TENM3: variants seen among roughly 807,000 people sequenced by gnomAD.
TENM3 encodes teneurin transmembrane protein 3.
A neutral mutation model predicts 255.1 loss-of-function variants in TENM3; 63 were observed. The observed-to-expected ratio is 0.25, with a 90% CI of 0.20 to 0.30. The LOEUF is 0.30. Among genes scored for constraint, TENM3 ranks in the 10% least tolerant of loss-of-function variants. The pLI, the probability that TENM3 is intolerant of heterozygous loss-of-function variation, is 1.00. For missense variants in TENM3, 2,929 were observed against 3,461.1 expected (o/e 0.85, Z 3.86); for synonymous variants, 1,306 against 1,322.3 (o/e 0.99, Z 0.27).
the TENM3 span, among the ~76,000 whole-genome samples, chr4:182,094,897 G>C: frequency 1.4e-5 from 2 of 145,456 alleles, no homozygotes; most frequent in African/African-American, 5.1e-5. Context: ...AGGAACACTA[G>C]AGCTTATAAA....
chr4:182,721,474 C>T (rs891451380), intron 13 of TENM3, among the ~76,000 whole-genome samples: 6 of 151,844 alleles, frequency 4.0e-5, no homozygotes, highest in African/African-American at 4.8e-5. Flanking sequence ...GCTACACTGA[C>T]GATAATTTAA....
At chr4:182,688,603 A>C (rs1023853328) in intron 12 of TENM3, among the ~76,000 whole-genome samples, 1 of 152,254 alleles carries the variant, frequency 6.6e-6, no homozygotes, top group Admixed American at 6.5e-5. Flanking sequence ...AAATGGACTC[A>C]CATAAAACAG....
At chr4:182,667,174 TTTTTGTTTTG>T (rs149236811) in intron 6 of TENM3, among the ~76,000 whole-genome samples, 38,485 of 149,938 alleles carry the variant, frequency 0.26, 5,201 homozygotes, top group Admixed American at 0.4. Context: ...AGTTACCATT[TTTTTGTTTTG>T]TTTTGTTTTG....
chr4:181,533,100 C>G, the TENM3 span, among the ~76,000 whole-genome samples: 3 of 152,116 alleles, frequency 2.0e-5, no homozygotes, highest in African/African-American at 7.2e-5. Flanking sequence ...AATAAAGTCT[C>G]TTTGCTCCTG....
chr4:181,475,376 G>C, the TENM3 span, among the ~76,000 whole-genome samples: 1 of 152,274 alleles, frequency 6.6e-6, no homozygotes, highest in African/African-American at 2.4e-5. Context: ...TTGAGCAATT[G>C]CTGTTGCATA....
At chr4:181,890,707 G>T in the TENM3 span, among the ~76,000 whole-genome samples, 18 of 151,978 alleles carry the variant, frequency 1.2e-4, no homozygotes, top group Non-Finnish European at 2.9e-5. Flanking sequence ...ATATAGTCTT[G>T]TTCATTATTT....
chr4:182,066,702 A>T, the TENM3 span, among the ~76,000 whole-genome samples: 1 of 151,712 alleles, frequency 6.6e-6, no homozygotes, highest in Non-Finnish European at 1.5e-5. Context: ...CAAGGTCAGG[A>T]GATCGAGACC....
At chr4:181,767,053 C>T in the TENM3 span, among the ~76,000 whole-genome samples, 6 of 138,454 alleles carry the variant, frequency 4.3e-5, no homozygotes, top group South Asian at 7.1e-4. Flanking sequence ...GAGATCAAGA[C>T]CATTCTGGCT....
intron 1 of TENM3, among the ~76,000 whole-genome samples, chr4:182,225,004 C>T (rs1325394510): frequency 6.6e-6 from 1 of 152,062 alleles, no homozygotes; most frequent in African/African-American, 2.4e-5. Flanking sequence ...AGTGCTGGGA[C>T]TACAGGCAGG....
the TENM3 span, among the ~76,000 whole-genome samples, chr4:182,029,280 C>T: frequency 2.0e-5 from 3 of 152,096 alleles, no homozygotes; most frequent in East Asian, 5.8e-4. Context: ...CTCCATGATC[C>T]AATCACCTCT....
chr4:181,857,736 G>T, the TENM3 span, among the ~76,000 whole-genome samples: 1 of 151,862 alleles, frequency 6.6e-6, no homozygotes, highest in Non-Finnish European at 1.5e-5. Flanking sequence ...CCAGCCTGGT[G>T]ACAGAGAGAG....
At chr4:181,842,925 C>G in the TENM3 span, among the ~76,000 whole-genome samples, 1 of 152,100 alleles carries the variant, frequency 6.6e-6, no homozygotes, top group Non-Finnish European at 1.5e-5. Context: ...GAGTGAAGGA[C>G]AAACCTCTAT....
chr4:182,463,095 T>C (rs1732210212), intron 3 of TENM3, among the ~76,000 whole-genome samples: 1 of 152,070 alleles, frequency 6.6e-6, no homozygotes, highest in African/African-American at 2.4e-5. Context: ...GTTGAAACAA[T>C]CCTCGTGTAC....
At chr4:182,772,079 CTT>C (rs1047488304) in intron 22 of TENM3, among the ~76,000 whole-genome samples, 2 of 152,300 alleles carry the variant, frequency 1.3e-5, no homozygotes, top group Admixed American at 1.3e-4. Flanking sequence ...TTCCTCCTCT[CTT>C]TCTTCCCTCT....
At chr4:181,616,685 T>C in the TENM3 span, among the ~76,000 whole-genome samples, 2 of 152,118 alleles carry the variant, frequency 1.3e-5, no homozygotes, top group African/African-American at 4.8e-5. Context: ...CCTGAGAACC[T>C]GGGGGCTGCT....
intron 4 of TENM3, among the ~76,000 whole-genome samples, chr4:182,619,982 C>G (rs1361691728): frequency 6.6e-6 from 1 of 152,174 alleles, no homozygotes; most frequent in Non-Finnish European, 1.5e-5. Flanking sequence ...TTTTCATTCC[C>G]AAATATGGTC....
chr4:182,419,976 C>T (rs2151130542), intron 3 of TENM3, among the ~76,000 whole-genome samples: 1 of 152,054 alleles, frequency 6.6e-6, no homozygotes, highest in African/African-American at 2.4e-5. Context: ...ATGTAACAAA[C>T]ATGCATGTTG....
chr4:182,288,001 G>A lies in TENM3; in HGVS notation c.-75-35945G>A, dbSNP rs189529832. On this transcript the variant is annotated intron_variant, in intron 1 of 27. Coordinates refer to ENST00000511685, the MANE Select transcript of TENM3 (RefSeq NM_001080477.4). ...TACCCAGGCTGGAGTGCAATGGCAC[G>A]ATCTGGGGTCACCGCAACCTCTGCC... is the stretch of plus-strand genomic sequence containing the variant. Among the ~76,000 whole-genome samples, 693 of 151,822 alleles carry A rather than the reference G, an allele frequency of 4.6e-3. 3 individuals carry two copies. The highest frequency in any genetic ancestry group is 0.017 in the Middle Eastern group (5 of 292).
chr4:181,804,886 G>A, the TENM3 span, among the ~76,000 whole-genome samples: 10 of 151,994 alleles, frequency 6.6e-5, no homozygotes, highest in South Asian at 2.1e-4. Context: ...GCCTATATCC[G>A]GGGCAGCCTG....
Sources: allele counts gnomAD v4.1 joint callset (sites outside exome capture counted in the v4.1 genomes callset), GRCh38; gene constraint gnomAD v4.1.1; transcripts MANE v1.5; gene names NCBI Gene and HGNC (gene_info 2026-07-23, HGNC 2026-07-21).